Variants in NUFIP2 observed in about 807,000 individuals in gnomAD.
NUFIP2 encodes the protein FMR1-interacting protein NUFIP2.
NUFIP2 carries 6 observed loss-of-function variants against 56.9 expected under a neutral mutation model. The observed-to-expected ratio is 0.11, with a 90% CI of 0.06 to 0.21. The LOEUF (loss-of-function observed/expected upper bound fraction) is 0.21. Among genes scored for constraint, NUFIP2 ranks in the 10% least tolerant of loss-of-function variants. NUFIP2 has a pLI of 1.00. For synonymous variants in NUFIP2, 321 were observed against 298.2 expected, an observed-to-expected ratio of 1.08 and a Z score of -0.79; for missense variants, 828 against 826.8, an observed-to-expected ratio of 1.00 and a Z score of -0.02.
At chr17:29,273,507 C>G (rs1341053462) in intron 2 of NUFIP2, among the ~76,000 whole-genome samples, 5 of 104,256 alleles carry the variant, frequency 4.8e-5, no homozygotes, top group African/African-American at 2.2e-4. Flanking sequence ...TACACACACA[C>G]ACACACACAC....
intron 2 of NUFIP2, 87 bp from the exon 3 acceptor site, chr17:29,267,617 G>T: frequency 2.5e-6 from 2 of 795,176 alleles, no homozygotes; most frequent in African/African-American, 1.8e-5. Flanking sequence ...AAAAATCCTA[G>T]ACTGATTACT....
rs1409831806 is a variant in NUFIP2, at chr17:29,262,297, T to TA, written c.*2241_*2242insT. The TA allele has an allele frequency of 2.6e-5, 4 of 152,572 alleles. No individual in the cohort carries two copies. The highest frequency in any genetic ancestry group is 4.4e-5 in the Non-Finnish European group (3 of 68,020). The allele number at this position is 152,572 out of a possible 1,614,324, so 9.5% of individuals were successfully genotyped here. A position where few individuals can be genotyped will look rare whatever the true frequency, so the allele number is the denominator to read the frequency against. Reference sequence around the variant, plus strand: ...GCGACAAGTGGTTACACAAGGCAATTGAACACACAGCAGAACTTTAAAACC... The same window carrying TA: ...GCGACAAGTGGTTACACAAGGCAATTAGAACACACAGCAGAACTTTAAAACC... On this transcript the variant is annotated 3_prime_UTR_variant, in exon 4 of 4. Transcript: ENST00000225388.
rs150835181 is a variant in NUFIP2, at chr17:29,287,012, C to G, written c.982G>C (p.Ala328Pro). 3.5e-5 allele frequency: 57 copies of G among 1,614,070 alleles called. No homozygotes were observed. Among genetic ancestry groups the G allele is most frequent in the Non-Finnish European group, 4.7e-5 (55 of 1,180,048 alleles). Residue 328 changes from alanine to proline, a missense_variant, in exon 2 of 4, where the codon GCC becomes CCC. By Grantham distance (27) the Ala-to-Pro change is conservative (BLOSUM62 -1). This residue lies in a region of NUFIP2 where 415 missense variants were observed against 408.7 expected (regional missense o/e 1.02). Transcript: ENST00000225388. ...AGGGTCCACGAGTCCTCTTTGGAGG[C>G]AACAGCTGAAGCATGCTTTCCTTTG... The part of the protein sequence containing the change: ...RPKGKHASAV[A>P]SKEDSWTLFK...
intron 2 of NUFIP2, among the ~76,000 whole-genome samples, chr17:29,277,880 A>G (rs1259302367): frequency 6.6e-6 from 1 of 152,026 alleles, no homozygotes; most frequent in African/African-American, 2.4e-5. Context: ...AAGCGTGGTG[A>G]TGCAAGCCTA....
At chr17:29,270,755 G>C (rs1170458400) in intron 2 of NUFIP2, among the ~76,000 whole-genome samples, 1 of 152,064 alleles carries the variant, frequency 6.6e-6, no homozygotes, top group Non-Finnish European at 1.5e-5. Flanking sequence ...CAAAGCAGGA[G>C]GATCACTTGA....
intron 3 of NUFIP2, among the ~76,000 whole-genome samples, chr17:29,266,624 G>T (rs62065197): frequency 0.055 from 8,416 of 151,906 alleles, 430 homozygotes; most frequent in Middle Eastern, 0.099. Flanking sequence ...TCTGAACTAT[G>T]AATTTCAATT....
intron 2 of NUFIP2, among the ~76,000 whole-genome samples, chr17:29,277,259 AG>A (rs1028941734): frequency 6.6e-6 from 1 of 152,182 alleles, no homozygotes; most frequent in Non-Finnish European, 1.5e-5. Context: ...TCCTGACCTC[AG>A]GGGATCTGCC....
chr17:29,283,273 T>C (rs2069151126), intron 2 of NUFIP2, among the ~76,000 whole-genome samples: 1 of 152,220 alleles, frequency 6.6e-6, no homozygotes, highest in South Asian at 2.1e-4. Context: ...TGGCCTGCAA[T>C]TCCACCTAAT....
Position 29,261,408 on chromosome 17 carries a change from ACAT to A in NUFIP2, c.*3128_*3130del, listed in dbSNP as rs750074327. 1.4e-5 allele frequency: 2 copies of A among 147,536 alleles called. No individual in the cohort carries two copies. The highest frequency in any genetic ancestry group is 6.7e-5 in the Admixed American group (1 of 14,888). 9.1% of individuals were successfully genotyped at this position (147,536 alleles called of 1,614,324 possible). On this transcript the variant is annotated 3_prime_UTR_variant, in exon 4 of 4. Coordinates refer to ENST00000225388, the MANE Select transcript of NUFIP2 (RefSeq NM_020772.3). ...TTTCCTCACACACACATACATACATACATAAACACACACACACACACACACCCC... is the reference window on the plus strand; with the variant it reads ...TTTCCTCACACACACATACATACATAAAACACACACACACACACACACCCC...
chr17:29,277,586 T>C (rs560736939), intron 2 of NUFIP2, among the ~76,000 whole-genome samples: 33 of 152,340 alleles, frequency 2.2e-4, no homozygotes, highest in African/African-American at 7.2e-4. Context: ...TACAGGTTAT[T>C]GTACCATGTT....
chr17:29,287,746 A>G (rs1375529572), intron 1 of NUFIP2, 30 bp from the exon 2 acceptor site: 3 of 1,543,410 alleles, frequency 1.9e-6, no homozygotes, highest in Non-Finnish European at 2.6e-6. Context: ...GGATTAAAAA[A>G]AAAAATCACA....
At position 29,287,249 on chromosome 17, in the gene NUFIP2, T is replaced by C. The variant is rs780366610; in HGVS notation, c.745A>G (p.Thr249Ala). The C allele has an allele frequency of 6.2e-7, 1 of 1,614,160 alleles. No homozygotes were observed. Among genetic ancestry groups the C allele is most frequent in the Non-Finnish European group, 8.5e-7 (1 of 1,180,026 alleles). The change falls in exon 2 of 4, where the codon ACC becomes GCC. Residue 249 changes from threonine (T) to alanine (A), a missense_variant. Transcript: ENST00000225388. ...IVQDKIMQQE[T>A]SVPTLKQGLE... ...CCCTGTTTTAAGGTTGGGACACTGG[T>C]CTCTTGTTGCATTATTTTGTCCTGC...
rs946858892 is a variant in NUFIP2 at position 29,256,745 on chromosome 17, A to G, written c.*7794T>C. The G allele has an allele frequency of 5.3e-5, 8 of 152,204 alleles. No individual in the cohort carries two copies. The highest frequency in any genetic ancestry group is 1.9e-4 in the African/African-American group (8 of 41,464). 9.4% of individuals were successfully genotyped at this position (152,204 alleles called of 1,614,324 possible). ...CTACACATTATAAGTACACATACAC[A>G]AAGTAAAGCTATTTAGTACATACAG... On this transcript the variant is annotated 3_prime_UTR_variant, in exon 4 of 4. Coordinates refer to ENST00000225388, the MANE Select transcript of NUFIP2 (RefSeq NM_020772.3).
intron 1 of NUFIP2, 113 bp downstream of exon 1, chr17:29,293,670 G>GACAC (rs145321139): frequency 7.5e-6 from 8 of 1,063,134 alleles, no homozygotes; most frequent in Non-Finnish European, 1.0e-5. Flanking sequence ...AGCCGGAGGG[G>GACAC]ACACACACAC....
Position 29,264,554 on chromosome 17 carries a change from A to G in NUFIP2, c.2073T>C (p.Asp691=), listed in dbSNP as rs1567675032. The G allele has an allele frequency of 6.2e-7, 1 of 1,608,584 alleles. No individual in the cohort carries two copies. The change falls in exon 4 of 4, where the codon GAT becomes GAC. Residue 691 remains aspartate, a synonymous_variant. Transcript: ENST00000225388. ...GTCTGGTCCTTCATTGATCTGGACT[A>G]TCCATGGCTTCATTGTAAGTGATTA... ...KRIITYNEAM[D]SPDQ is the part of the protein sequence containing the mutation.
At chr17:29,283,340 TTTG>T (rs1314030569) in intron 2 of NUFIP2, among the ~76,000 whole-genome samples, 1 of 152,190 alleles carries the variant, frequency 6.6e-6, no homozygotes, top group Non-Finnish European at 1.5e-5. Context: ...TCCTACACAT[TTTG>T]TTGTTTTGTT....
At position 29,258,737 on chromosome 17, in the gene NUFIP2, C is replaced by A. The variant is rs965739107; in HGVS notation, c.*5802G>T. ...CCCTCCCAAAAAGAATTTTATAATT[C>A]ATTCACTCTTGTTAGTGGCTGTGCT... On this transcript the variant is annotated 3_prime_UTR_variant, in exon 4 of 4. Coordinates refer to ENST00000225388, the MANE Select transcript of NUFIP2 (RefSeq NM_020772.3). The A allele has an allele frequency of 2.6e-5, 4 of 152,098 alleles. No homozygotes were observed. Among genetic ancestry groups the A allele is most frequent in the African/African-American group, 9.7e-5 (4 of 41,408 alleles). 9.4% of individuals were successfully genotyped at this position (152,098 alleles called of 1,614,324 possible).
intron 1 of NUFIP2, among the ~76,000 whole-genome samples, chr17:29,293,524 G>A (rs2153013245): frequency 6.6e-6 from 1 of 152,236 alleles, no homozygotes; most frequent in East Asian, 1.9e-4. Flanking sequence ...CGACCCAGCA[G>A]GTCTCCCTTC....
Position 29,278,825 on chromosome 17 carries a change from T to C in NUFIP2, c.2002+7167A>G, listed in dbSNP as rs867205138. Among the ~76,000 whole-genome samples the C allele has an allele frequency of 6.6e-5, 10 of 152,310 alleles. No individual in the cohort carries two copies. In the Middle Eastern group the frequency reaches 0.01, roughly 155 times the overall value. On this transcript the variant is annotated intron_variant, in intron 2 of 3. Transcript: ENST00000225388. ...AGTATCAAGGTGAATATATTATTAC[T>C]GTATTCATAAAGCAGACATCATGAA...
Sources: gnomAD v4.1 joint callset for allele counts (sites outside exome capture counted in the v4.1 genomes callset) on GRCh38, gnomAD v4.1.1 for gene constraint, gnomAD v4.1.1 regional missense constraint, MANE v1.5 for transcripts, NCBI Gene and HGNC (gene_info 2026-07-23, HGNC 2026-07-21) for gene names.